ACP6: variants seen among roughly 807,000 people sequenced by gnomAD.
ACP6 encodes acid phosphatase 6, lysophosphatidic.
ACP6 carries 48 observed loss-of-function variants against 48.1 expected under a neutral mutation model. That is an observed-to-expected ratio of 1.00 (90% CI 0.79 to 1.27). The LOEUF is 1.27. Among genes scored for constraint, ACP6 ranks in the 50% most tolerant of loss-of-function variants. ACP6 has a pLI of 0.00. For missense variants in ACP6, 485 were observed against 529.1 expected (o/e 0.92, Z 0.82); for synonymous variants, 172 against 204.2 (o/e 0.84, Z 1.34).
At chr1:147,664,994 GATGGTAAAGAATGTGT>G (rs1553213413) in intron 1 of ACP6, among the ~76,000 whole-genome samples, 2 of 152,238 alleles carry the variant, frequency 1.3e-5, no homozygotes, top group Non-Finnish European at 2.9e-5. Context: ...GCAAAGCAGA[GATGGTAAAGAATGTGT>G]ATGGCAAAGA....
At chr1:147,657,849 AG>A (rs1416420768) in intron 4 of ACP6, among the ~76,000 whole-genome samples, 5 of 152,230 alleles carry the variant, frequency 3.3e-5, no homozygotes, top group African/African-American at 7.2e-5. Context: ...CCTGCACCTG[AG>A]GCTAGTGATT....
chr1:147,657,418 C>CT, intron 4 of ACP6, among the ~76,000 whole-genome samples: 1 of 152,172 alleles, frequency 6.6e-6, no homozygotes, highest in Middle Eastern at 3.4e-3. Flanking sequence ...TTCTGGGATT[C>CT]TTTTTTTGTT....
At position 147,665,765 on chromosome 1, in the gene ACP6, A is replaced by G. The variant is rs151039515; in HGVS notation, c.219+4065T>C. ...GAGAGGACCCTTGGCGTCTCCTAGG[A>G]GTCTGGAGTCCAGGTCACGTCAAGT... On this transcript the variant is annotated intron_variant, in intron 1 of 9. Transcript: ENST00000583509. Among the ~76,000 whole-genome samples the G allele has an allele frequency of 6.8e-4, 104 of 152,296 alleles. 2 individuals carry two copies. In the East Asian group the frequency reaches 0.019, roughly 28 times the overall value.
In ACP6 at chr1:147,659,669, TGA is replaced by T. The variant is rs781990066; in HGVS notation, c.324_325del (p.Gln109IlefsTer3). The T allele has an allele frequency of 6.8e-6, 11 of 1,614,174 alleles. No homozygotes were observed. The East Asian group carries it at 2.2e-4, about 33-fold the overall frequency. ...CACCTTCAGGGTGGTCTCATGGTATTGAGAGTCGTAAGGAGAATATGGTTTCG... is the reference window on the plus strand; with the variant it reads ...CACCTTCAGGGTGGTCTCATGGTATTGAGTCGTAAGGAGAATATGGTTTCG... On this transcript the variant is annotated frameshift_variant, in exon 2 of 10. Coordinates refer to ENST00000583509, the MANE Select transcript of ACP6 (RefSeq NM_016361.5). LOFTEE classifies it high-confidence loss of function.
chr1:147,651,069 C>G (rs1659894014), intron 7 of ACP6: 1 of 152,192 alleles, frequency 6.6e-6, no homozygotes, highest in South Asian at 2.1e-4. Flanking sequence ...TTGGCTTAGA[C>G]AAATCCTTAT....
chr1:147,648,464 A>G, intron 8 of ACP6, 53 bp from the exon 9 acceptor site: 1 of 1,600,760 alleles, frequency 6.2e-7, no homozygotes, highest in Non-Finnish European at 8.5e-7. Context: ...TCTGAAGGTC[A>G]GGATGTGGCC....
At chr1:147,634,010 C>G (rs188322610) in intron 5 of ACP6, among the ~76,000 whole-genome samples, 1 of 152,214 alleles carries the variant, frequency 6.6e-6, no homozygotes, top group Non-Finnish European at 1.5e-5. Flanking sequence ...AACTTTGTAC[C>G]CATTAAACAA....
chr1:147,652,500 A>G lies in ACP6; in HGVS notation c.830T>C (p.Ile277Thr). 2 of 1,614,058 alleles carry G rather than the reference A, an allele frequency of 1.2e-6. No homozygotes were observed. Among genetic ancestry groups the G allele is most frequent in the Non-Finnish European group, 1.7e-6 (2 of 1,180,012 alleles). ...GGATGTGTCCACAGCTCTCTGTTCGATCATCCTTGCAAATCTCTTCAGCAT... is the reference window on the plus strand; with the variant it reads ...GGATGTGTCCACAGCTCTCTGTTCGGTCATCCTTGCAAATCTCTTCAGCAT... ...CPMLKRFARM[I>T]EQRAVDTSLY... Residue 277 changes from isoleucine to threonine, a missense_variant, in exon 7 of 10, where the codon ATC (isoleucine) becomes ACC (threonine). By Grantham distance (89) the Ile-to-Thr change is moderately conservative. Transcript: ENST00000583509.
intron 5 of ACP6, among the ~76,000 whole-genome samples, chr1:147,634,637 T>G (rs907466077): frequency 6.6e-6 from 1 of 152,208 alleles, no homozygotes; most frequent in Non-Finnish European, 1.5e-5. Context: ...TAAATATACT[T>G]GTGTAATCAC....
At chr1:147,640,264 A>G (rs899062623), downstream of ACP6, among the ~76,000 whole-genome samples, 3 of 152,154 alleles carry the variant, frequency 2.0e-5, no homozygotes, top group Non-Finnish European at 2.9e-5. Flanking sequence ...ACTGGAATCC[A>G]AATCCCTGGC....
rs1553209630 is a variant in ACP6 at position 147,647,450 on chromosome 1, CT to C, written c.1259del (p.Gln420ArgfsTer2). 6.2e-7 allele frequency: 1 copy of C among 1,614,092 alleles called. No homozygotes were observed. The highest frequency in any genetic ancestry group is 1.7e-5 in the Admixed American group (1 of 59,962). On this transcript the variant is annotated frameshift_variant, in exon 10 of 10. Transcript: ENST00000583509. LOFTEE classifies it high-confidence loss of function. ...EKYHALCSQT[Q>X]VMEVGNEE Reference sequence around the variant, plus strand: ...ACTCTTCATTTCCAACTTCCATCACCTGAGTTTGAGAGCAGAGTGCGTGGTA... The same window carrying C: ...ACTCTTCATTTCCAACTTCCATCACCGAGTTTGAGAGCAGAGTGCGTGGTA...
In ACP6 at chr1:147,642,759, G is replaced by A. The variant is rs1659494044; in HGVS notation, c.*4664C>T. Reference sequence around the variant, plus strand: ...GAACAAGAGGAAATCTGCCTTCATGGAGCTTCCATTTTAGTCAGGGAAATA... The same window carrying A: ...GAACAAGAGGAAATCTGCCTTCATGAAGCTTCCATTTTAGTCAGGGAAATA... On this transcript the variant is annotated 3_prime_UTR_variant, in exon 10 of 10. Transcript: ENST00000583509. 1 of 152,220 alleles carries A rather than the reference G, an allele frequency of 6.6e-6. No individual in the cohort carries two copies. Among genetic ancestry groups the A allele is most frequent in the Non-Finnish European group, 1.5e-5 (1 of 68,062 alleles). 9.4% of individuals were successfully genotyped at this position (152,220 alleles called of 1,614,324 possible). A position where few individuals can be genotyped will look rare whatever the true frequency, so the allele number is the denominator to read the frequency against.
chr1:147,635,126 A>C (rs1659263200), intron 5 of ACP6, among the ~76,000 whole-genome samples: 1 of 152,146 alleles, frequency 6.6e-6, no homozygotes, highest in Non-Finnish European at 1.5e-5. Flanking sequence ...CTAGGGCCAC[A>C]TTTGCCTTTG....
chr1:147,662,503 T>C (rs1553212972), intron 1 of ACP6, among the ~76,000 whole-genome samples: 1 of 152,214 alleles, frequency 6.6e-6, no homozygotes, highest in African/African-American at 2.4e-5. Context: ...ATGGATGACT[T>C]TGAAGATTCA....
intron 5 of ACP6, among the ~76,000 whole-genome samples, chr1:147,631,910 C>A (rs1553207427): frequency 1.3e-5 from 2 of 152,130 alleles, no homozygotes. Flanking sequence ...AGTATGAAAC[C>A]CAAGATTTTT....
intron 1 of ACP6, among the ~76,000 whole-genome samples, chr1:147,664,962 C>A (rs1660726362): frequency 6.6e-6 from 1 of 152,058 alleles, no homozygotes; most frequent in Non-Finnish European, 1.5e-5. Flanking sequence ...TTCAGAATTC[C>A]AAAAATAACT....
At chr1:147,635,929 A>G (rs1392800796) in intron 5 of ACP6, among the ~76,000 whole-genome samples, 1 of 152,244 alleles carries the variant, frequency 6.6e-6, no homozygotes, top group Non-Finnish European at 1.5e-5. Context: ...CCAGATAAAA[A>G]TGAATCAGTG....
Position 147,647,705 on chromosome 1 carries a change from C to T in ACP6, c.1144-139G>A, listed in dbSNP as rs1659694273. ...TATTACAGACAGGAAGGCCCCACTA[C>T]CCGGTGAGCTTCCAGAATAAAAGCA... On this transcript the variant is annotated intron_variant, in intron 9 of 9. Transcript: ENST00000583509. 7 of 1,108,774 alleles carry T rather than the reference C, an allele frequency of 6.3e-6. No homozygotes were observed. In the South Asian group the frequency reaches 1.2e-4, roughly 19 times the overall value. The allele number at this position is 1,108,774 out of a possible 1,614,324, so 68.7% of individuals were successfully genotyped here. A position where few individuals can be genotyped will look rare whatever the true frequency, so the allele number is the denominator to read the frequency against.
rs1306773828 is a variant in ACP6, at chr1:147,636,925, G to A, written c.461-5860C>T. On this transcript the variant is annotated intron_variant, in intron 5 of 5. Transcript: ENST00000609196. ...GCACAGAAAAGCCATAGAGAAAGAA[G>A]CACCACAGTGGAAATTCCATGATGG... Among the ~76,000 whole-genome samples the A allele has an allele frequency of 2.6e-5, 4 of 152,214 alleles. No homozygotes were observed. In the South Asian group the frequency reaches 6.2e-4, roughly 24 times the overall value.
Sources: gnomAD v4.1 joint callset for allele counts (sites outside exome capture counted in the v4.1 genomes callset) on GRCh38, gnomAD v4.1.1 for gene constraint, MANE v1.5 for transcripts, NCBI Gene and HGNC (gene_info 2026-07-23, HGNC 2026-07-21) for gene names.